The following GPM6A variants were observed in gnomAD, a reference collection of about 807,000 sequenced individuals.
The protein encoded by GPM6A is neuronal membrane glycoprotein M6-a.
In GPM6A, 7 loss-of-function variants were observed where a neutral mutation model predicts 32.1. The observed-to-expected ratio is 0.22, with a 90% CI of 0.12 to 0.41. The LOEUF (loss-of-function observed/expected upper bound fraction) is 0.41. GPM6A is among the 10% of genes least tolerant of loss of function. GPM6A has a pLI of 1.00. For missense variants in GPM6A, 235 were observed against 347.2 expected (o/e 0.68, Z 2.57); for synonymous variants, 130 against 123.4 (o/e 1.05, Z -0.35).
intron 1 of GPM6A, among the ~76,000 whole-genome samples, chr4:175,942,847 T>C (rs1441480813): frequency 6.6e-6 from 1 of 152,174 alleles, no homozygotes; most frequent in African/African-American, 2.4e-5. Flanking sequence ...CTTAGGATTG[T>C]CTTGGCTGTA....
At chr4:175,682,555 A>G (rs1202826733) in intron 2 of GPM6A, among the ~76,000 whole-genome samples, 2 of 152,158 alleles carry the variant, frequency 1.3e-5, no homozygotes, top group African/African-American at 4.8e-5. Context: ...CTCTCCCATC[A>G]CAGGCCCAGA....
chr4:175,649,971 T>A (rs934513880), intron 4 of GPM6A, among the ~76,000 whole-genome samples: 2 of 152,172 alleles, frequency 1.3e-5, no homozygotes, highest in Admixed American at 1.3e-4. Context: ...AAGGAAGACA[T>A]TTAGGACAAG....
chr4:175,722,687 T>C (rs1324306873), intron 1 of GPM6A, among the ~76,000 whole-genome samples: 2 of 152,090 alleles, frequency 1.3e-5, no homozygotes, highest in East Asian at 3.9e-4. Flanking sequence ...AAACATTATG[T>C]TGTGCATGAT....
intron 1 of GPM6A, among the ~76,000 whole-genome samples, chr4:175,734,158 A>ATT (rs757719009): frequency 9.2e-5 from 8 of 87,214 alleles, no homozygotes; most frequent in African/African-American, 1.9e-4. Flanking sequence ...ATATATATAT[A>ATT]TATTTTTTAA....
chr4:175,926,421 T>C (rs887205530), intron 1 of GPM6A, among the ~76,000 whole-genome samples: 2 of 152,188 alleles, frequency 1.3e-5, no homozygotes, highest in Non-Finnish European at 2.9e-5. Context: ...TATATTGGAT[T>C]GTGGGAAGAA....
intron 1 of GPM6A, among the ~76,000 whole-genome samples, chr4:175,982,602 G>A (rs114831113): frequency 0.018 from 2,731 of 152,224 alleles, 66 homozygotes; most frequent in African/African-American, 0.061. Flanking sequence ...TTCCATTAAT[G>A]TATATATCTA....
At chr4:175,778,453 C>T (rs1396732297) in intron 1 of GPM6A, among the ~76,000 whole-genome samples, 9 of 151,360 alleles carry the variant, frequency 5.9e-5, no homozygotes, top group East Asian at 3.9e-4. Context: ...GGTGAAGCCC[C>T]GTCTCTACTA....
chr4:175,829,459 TA>T (rs1173334863), intron 1 of GPM6A, among the ~76,000 whole-genome samples: 1 of 81,784 alleles, frequency 1.2e-5, no homozygotes, highest in Non-Finnish European at 2.4e-5. Context: ...CTACTTAAGT[TA>T]AATAAAATAT....
intron 1 of GPM6A, among the ~76,000 whole-genome samples, chr4:175,925,307 T>C (rs1258627668): frequency 6.6e-6 from 1 of 152,250 alleles, no homozygotes; most frequent in African/African-American, 2.4e-5. Context: ...TTATGCATTA[T>C]TCTATTCCAA....
intron 1 of GPM6A, among the ~76,000 whole-genome samples, chr4:175,892,327 C>T (rs1737673521): frequency 6.6e-6 from 1 of 152,090 alleles, no homozygotes; most frequent in Non-Finnish European, 1.5e-5. Flanking sequence ...ACTTATTGTT[C>T]CCTATCCCTT....
chr4:175,745,266 T>C (rs948244526), intron 1 of GPM6A, among the ~76,000 whole-genome samples: 13 of 152,224 alleles, frequency 8.5e-5, no homozygotes, highest in African/African-American at 2.7e-4. Context: ...TGGGTTCATT[T>C]TGGAGACCTG....
At chr4:175,747,002 T>C (rs923338266) in intron 1 of GPM6A, among the ~76,000 whole-genome samples, 3 of 152,180 alleles carry the variant, frequency 2.0e-5, no homozygotes, top group East Asian at 1.9e-4. Context: ...GCTGGCATGG[T>C]GGCTCACGCC....
At chr4:175,847,755 G>T (rs1262867936) in intron 1 of GPM6A, among the ~76,000 whole-genome samples, 1 of 152,108 alleles carries the variant, frequency 6.6e-6, no homozygotes, top group Non-Finnish European at 1.5e-5. Flanking sequence ...TTCTATCCAT[G>T]AAATTGTGAA....
intron 1 of GPM6A, among the ~76,000 whole-genome samples, chr4:175,982,353 T>C (rs1740844633): frequency 6.6e-6 from 1 of 152,176 alleles, no homozygotes. Flanking sequence ...CTTTGCTTTC[T>C]CTTAAAAGCT....
chr4:175,813,795 T>C (rs2111336268), upstream of GPM6A, among the ~76,000 whole-genome samples: 1 of 152,242 alleles, frequency 6.6e-6, no homozygotes, highest in East Asian at 1.9e-4. Context: ...TGCATTCCAC[T>C]TTATTTCTCA....
intron 1 of GPM6A, among the ~76,000 whole-genome samples, chr4:175,778,758 A>C (rs1733499204): frequency 6.6e-6 from 1 of 150,578 alleles, no homozygotes; most frequent in Non-Finnish European, 1.5e-5. Context: ...ATAGATGACT[A>C]TAATTACCTA....
chr4:175,755,088 G>A (rs1732478162), intron 1 of GPM6A, among the ~76,000 whole-genome samples: 1 of 151,650 alleles, frequency 6.6e-6, no homozygotes, highest in African/African-American at 2.4e-5. Flanking sequence ...ATATCATAAG[G>A]GAAAAATAAA....
chr4:175,711,457 T>TATATATACAC (rs1303046650), intron 1 of GPM6A, among the ~76,000 whole-genome samples: 14 of 27,992 alleles, frequency 5.0e-4, no homozygotes, highest in South Asian at 1.2e-3. Flanking sequence ...TATATATATA[T>TATATATACAC]ACACACACAT....
intron 1 of GPM6A, among the ~76,000 whole-genome samples, chr4:175,732,322 C>T (rs1560902428): frequency 1.3e-5 from 2 of 152,068 alleles, no homozygotes; most frequent in Non-Finnish European, 1.5e-5. Flanking sequence ...TTTTTCTGAC[C>T]TTATCCAAAA....
Sources: gnomAD v4.1 joint callset for allele counts (sites outside exome capture counted in the v4.1 genomes callset) on GRCh38, gnomAD v4.1.1 for gene constraint, MANE v1.5 for transcripts, NCBI Gene and HGNC (gene_info 2026-07-23, HGNC 2026-07-21) for gene names.